Variants in DNAH8 observed in about 807,000 individuals in gnomAD.
DNAH8 encodes the protein axonemal beta dynein heavy chain 8.
A neutral mutation model predicts 562.1 loss-of-function variants in DNAH8; 382 were observed. That is an observed-to-expected ratio of 0.68 (90% CI 0.63 to 0.74). The LOEUF is 0.74. Among genes scored for constraint, DNAH8 ranks in the 30% least tolerant of loss-of-function variants. DNAH8 has a pLI of 0.00. For missense variants in DNAH8, 5,203 were observed against 5,620.4 expected (o/e 0.93, Z 2.37); for synonymous variants, 1,881 against 1,919.4 (o/e 0.98, Z 0.52).
chr6:38,733,158 CT>C (rs1291861868), intron 4 of DNAH8, among the ~76,000 whole-genome samples: 1 of 152,142 alleles, frequency 6.6e-6, no homozygotes, highest in Non-Finnish European at 1.5e-5. Context: ...TCCCAAAGTG[CT>C]GGGATTATAG....
intron 44 of DNAH8, 58 bp from the exon 45 acceptor site, chr6:38,863,815 T>C: frequency 5.7e-6 from 8 of 1,395,160 alleles, no homozygotes; most frequent in Non-Finnish European, 7.8e-6. Flanking sequence ...GAAATGATTG[T>C]TATCAAGAAG....
intron 62 of DNAH8, among the ~76,000 whole-genome samples, chr6:38,905,900 GTTGT>G (rs1403678489): frequency 4.0e-5 from 6 of 151,832 alleles, no homozygotes; most frequent in South Asian, 2.1e-4. Context: ...TTTTGTTGTT[GTTGT>G]TTGTTTGTTT....
intron 85 of DNAH8, 120 bp downstream of exon 85, chr6:38,974,649 T>G (rs1231045588): frequency 2.7e-6 from 2 of 754,626 alleles, no homozygotes; most frequent in Non-Finnish European, 4.3e-6. Flanking sequence ...TCTCTTTTCC[T>G]TCATAGCACT....
chr6:38,808,896 C>G (rs1293543782), intron 24 of DNAH8, among the ~76,000 whole-genome samples: 3 of 151,990 alleles, frequency 2.0e-5, no homozygotes, highest in African/African-American at 7.3e-5. Flanking sequence ...ATAATGAGAA[C>G]ACATGGACAC....
At chr6:38,775,414 A>T (rs1023814849) in intron 12 of DNAH8, among the ~76,000 whole-genome samples, 2 of 152,212 alleles carry the variant, frequency 1.3e-5, no homozygotes, top group African/African-American at 4.8e-5. Flanking sequence ...GAGTCCAGTA[A>T]TCCAGTGAAA....
chr6:38,961,873 G>A (rs558369774), intron 82 of DNAH8, among the ~76,000 whole-genome samples: 9 of 151,852 alleles, frequency 5.9e-5, no homozygotes, highest in South Asian at 4.2e-4. Flanking sequence ...TGTAACTACC[G>A]GAAAGGAGGG....
chr6:38,807,711 T>A lies in DNAH8; in HGVS notation c.3252T>A (p.Val1084=). ...ACACAATGAAAAGAAGAATATTTGT[T>A]GCAAGGCAAGTTGAAAATATGCTAA... is the stretch of plus-strand genomic sequence containing the variant. ...SLDTMKRRIF[V]ASLYGRKQSE... Residue 1084 remains valine (V), a synonymous_variant, in exon 24 of 93, where the codon GTT becomes GTA. Coordinates refer to ENST00000327475, the MANE Select transcript of DNAH8 (RefSeq NM_001206927.2). 6.6e-7 allele frequency: 1 copy of A among 1,512,188 alleles called. No homozygotes were observed. Among genetic ancestry groups the A allele is most frequent in the Non-Finnish European group, 8.9e-7 (1 of 1,129,766 alleles). The allele number at this position is 1,512,188 out of a possible 1,614,324, so 93.7% of individuals were successfully genotyped here. A position where few individuals can be genotyped will look rare whatever the true frequency, so the allele number is the denominator to read the frequency against.
At chr6:38,940,096 G>A (rs1291185621) in intron 79 of DNAH8, among the ~76,000 whole-genome samples, 1 of 152,186 alleles carries the variant, frequency 6.6e-6, no homozygotes, top group Non-Finnish European at 1.5e-5. Context: ...GTGTAAGGTG[G>A]TGACGTGATT....
intron 88 of DNAH8, among the ~76,000 whole-genome samples, chr6:39,000,293 A>C (rs1765403588): frequency 6.6e-6 from 1 of 152,230 alleles, no homozygotes. Flanking sequence ...ATGATAACAC[A>C]GGTGGAGGAG....
chr6:38,771,475 T>C (rs182726166), intron 12 of DNAH8, among the ~76,000 whole-genome samples: 1 of 152,328 alleles, frequency 6.6e-6, no homozygotes, highest in Non-Finnish European at 1.5e-5. Flanking sequence ...TGTGCAATCA[T>C]TACCACAATC....
At chr6:38,948,718 A>G (rs1002765808) in intron 80 of DNAH8, among the ~76,000 whole-genome samples, 4 of 152,162 alleles carry the variant, frequency 2.6e-5, no homozygotes, top group African/African-American at 4.8e-5. Context: ...TCAATAATCT[A>G]TAGTTTTCGT....
chr6:38,840,983 G>A (rs1488389658), intron 33 of DNAH8, among the ~76,000 whole-genome samples: 2 of 151,526 alleles, frequency 1.3e-5, no homozygotes, highest in East Asian at 3.9e-4. Context: ...GTCATTTTTA[G>A]CATAGTTGAG....
chr6:38,898,179 T>C, intron 60 of DNAH8, 79 bp from the exon 61 acceptor site: 1 of 1,273,728 alleles, frequency 7.9e-7, no homozygotes, highest in Non-Finnish European at 1.1e-6. Flanking sequence ...AAAATTACTT[T>C]TGAGTGTCTT....
chr6:38,990,242 A>G (rs2150731541), intron 88 of DNAH8, 70 bp downstream of exon 88: 1 of 1,020,560 alleles, frequency 9.8e-7, no homozygotes. Flanking sequence ...GGTGCATTTC[A>G]TTTTCTCTCC....
chr6:38,939,349 C>G (rs1267837608), intron 79 of DNAH8, among the ~76,000 whole-genome samples: 2 of 152,172 alleles, frequency 1.3e-5, no homozygotes, highest in Non-Finnish European at 2.9e-5. Flanking sequence ...CAAGAAAAGG[C>G]TCACTTATGT....
chr6:39,007,954 CACA>C (rs1765903819), intron 88 of DNAH8, among the ~76,000 whole-genome samples: 1 of 123,354 alleles, frequency 8.1e-6, no homozygotes. Flanking sequence ...CACCCACACA[CACA>C]CACACATTTC....
At chr6:38,860,365 A>G in intron 42 of DNAH8, 92 bp from the exon 43 acceptor site, 1 of 630,002 alleles carries the variant, frequency 1.6e-6, no homozygotes, top group Non-Finnish European at 2.4e-6. Flanking sequence ...GAATCAGTTC[A>G]TCAAAGAGTG....
rs151238052 is a variant in DNAH8 at position 38,951,933 on chromosome 6, A to G, written c.12451+413A>G. Among the ~76,000 whole-genome samples, 24 of 152,342 alleles carry G rather than the reference A, an allele frequency of 1.6e-4. No individual in the cohort carries two copies. The East Asian group carries it at 4.0e-3, about 26-fold the overall frequency. ...TGTAATGCATAGTAGTTAGGGATTA[A>G]TTATTTCATTGCTTTCACTTAATAA... On this transcript the variant is annotated intron_variant, in intron 82 of 92. Coordinates refer to ENST00000327475, the MANE Select transcript of DNAH8 (RefSeq NM_001206927.2).
chr6:39,010,818 CACGTATGTATGTAT>C (rs1481076606), intron 89 of DNAH8, among the ~76,000 whole-genome samples: 9 of 107,504 alleles, frequency 8.4e-5, no homozygotes, highest in South Asian at 3.2e-4. Flanking sequence ...CACACACACA[CACGTATGTATGTAT>C]GTATGTATGT....
Sources: allele counts gnomAD v4.1 joint callset (sites outside exome capture counted in the v4.1 genomes callset), GRCh38; gene constraint gnomAD v4.1.1; transcripts MANE v1.5; gene names NCBI Gene and HGNC (gene_info 2026-07-23, HGNC 2026-07-21).